TIAM1: variants seen among roughly 807,000 people sequenced by gnomAD.
The protein encoded by TIAM1 is TIAM Rac1 associated GEF 1, also known as rho guanine nucleotide exchange factor TIAM1.
TIAM1 carries 65 observed loss-of-function variants against 163.5 expected under a neutral mutation model. The ratio of observed to expected loss-of-function variants is 0.40; its 90% CI spans 0.33 to 0.49. The LOEUF is 0.49. Ranked by LOEUF, TIAM1 falls within the 20% of genes least tolerant of loss-of-function variation. The pLI, the probability that TIAM1 is intolerant of heterozygous loss-of-function variation, is 0.77. For missense variants in TIAM1, 1,789 were observed against 2,044.7 expected (o/e 0.87, Z 2.41); for synonymous variants, 833 against 810.1 (o/e 1.03, Z -0.48).
rs903704405 is a variant in TIAM1 at position 31,130,850 on chromosome 21, G to T, written c.3942+40C>A. 4 of 1,580,040 alleles carry T rather than the reference G, an allele frequency of 2.5e-6. No individual in the cohort carries two copies. In the East Asian group the frequency reaches 8.9e-5, roughly 35 times the overall value. On this transcript the variant is annotated intron_variant, in intron 24 of 27. Transcript: ENST00000541036. ...CAGGCATAACTGATAAGCAGATAGA[G>T]AAATAGTTTCAAACCATGGGGTAAC...
chr21:31,421,737 C>A (rs889388541), intron 2 of TIAM1, among the ~76,000 whole-genome samples: 1 of 152,130 alleles, frequency 6.6e-6, no homozygotes, highest in African/African-American at 2.4e-5. Context: ...CGCCTATAAT[C>A]CCAACGTTGT....
rs372979018 is a variant in TIAM1 at position 31,464,518 on chromosome 21, G to A, written c.-421-483C>T. ...ACCCCAGGAGTTCAAGACCAGTCTCGGCAACACGGCAAAACGCTGTCTCTA... is the reference window on the plus strand; with the variant it reads ...ACCCCAGGAGTTCAAGACCAGTCTCAGCAACACGGCAAAACGCTGTCTCTA... On this transcript the variant is annotated intron_variant, in intron 1 of 28. Coordinates refer to the TIAM1 transcript ENST00000286827. 6.6e-5 allele frequency among the ~76,000 whole-genome samples: 10 copies of A among 152,128 alleles called. No individual in the cohort carries two copies. The South Asian group carries it at 2.1e-3, about 32-fold the overall frequency.
In TIAM1 at chr21:31,123,079, G is replaced by C. The variant is rs73899651; in HGVS notation, c.4306+1443C>G. ...GGCTATGACATCAAGGCTTTCTCTT[G>C]GTAATCATGACGGACGATGGTGTTA... is the stretch of plus-strand genomic sequence containing the variant. On this transcript the variant is annotated intron_variant, in intron 27 of 27. Coordinates refer to ENST00000541036, the MANE Select transcript of TIAM1 (RefSeq NM_001353694.2). 9.2e-4 allele frequency among the ~76,000 whole-genome samples: 140 copies of C among 152,336 alleles called. No individual in the cohort carries two copies. The Middle Eastern group carries it at 0.014, about 15-fold the overall frequency.
chr21:31,200,224 C>A (rs1406659009), intron 12 of TIAM1, among the ~76,000 whole-genome samples: 1 of 152,056 alleles, frequency 6.6e-6, no homozygotes, highest in African/African-American at 2.4e-5. Context: ...CTATTCCCAG[C>A]TACTTGGGAG....
At chr21:31,532,815 C>T (rs889109221) in intron 1 of TIAM1, among the ~76,000 whole-genome samples, 1 of 152,136 alleles carries the variant, frequency 6.6e-6, no homozygotes, top group African/African-American at 2.4e-5. Flanking sequence ...CGTGTGGTGG[C>T]GCATGCCTGC....
At chr21:31,162,077 C>A (rs1012784348) in intron 16 of TIAM1, among the ~76,000 whole-genome samples, 1 of 152,178 alleles carries the variant, frequency 6.6e-6, no homozygotes, top group African/African-American at 2.4e-5. Flanking sequence ...TGTTAACAAT[C>A]TGGACACAAG....
At chr21:31,270,722 A>T (rs8130528) in intron 3 of TIAM1, among the ~76,000 whole-genome samples, 8,012 of 152,206 alleles carry the variant, frequency 0.053, 493 homozygotes, top group African/African-American at 0.15. Context: ...TTTTTTTGCA[A>T]TTTTGGTTTT....
At position 31,222,707 on chromosome 21, in the gene TIAM1, ATTTTTTTTTTTTTTT is replaced by A. The variant is rs527864043; in HGVS notation, c.1995+684_1995+698del. Among the ~76,000 whole-genome samples the A allele has an allele frequency of 7.7e-3, 254 of 32,856 alleles. 3 individuals carry two copies. Among genetic ancestry groups the A allele is most frequent in the African/African-American group, 0.034 (249 of 7,346 alleles). 21.6% of individuals were successfully genotyped at this position (32,856 alleles called of 152,430 possible). On this transcript the variant is annotated intron_variant, in intron 8 of 27. Coordinates refer to ENST00000541036, the MANE Select transcript of TIAM1 (RefSeq NM_001353694.2). ...TATATATATATATATATATATATAT[ATTTTTTTTTTTTTTT>A]TTTTTTTTTTTTTGAGACAGAGTCT...
intron 2 of TIAM1, among the ~76,000 whole-genome samples, chr21:31,462,684 C>CT (rs1365654347): frequency 6.6e-6 from 1 of 152,048 alleles, no homozygotes; most frequent in Non-Finnish European, 1.5e-5. Flanking sequence ...TGCATATCCA[C>CT]TGGAGATTCT....
At chr21:31,218,803 G>A (rs2087367330) in intron 8 of TIAM1, among the ~76,000 whole-genome samples, 1 of 152,050 alleles carries the variant, frequency 6.6e-6, no homozygotes, top group Admixed American at 6.6e-5. Flanking sequence ...GAAGGTCTGT[G>A]TTGTGGTCTA....
chr21:31,335,688 G>A (rs1268453306), intron 2 of TIAM1, among the ~76,000 whole-genome samples: 3 of 148,056 alleles, frequency 2.0e-5, no homozygotes, highest in African/African-American at 7.8e-5. Context: ...CTGGGTGACA[G>A]AGCGAGACTC....
At chr21:31,196,187 G>C (rs994874960) in intron 12 of TIAM1, among the ~76,000 whole-genome samples, 3 of 151,994 alleles carry the variant, frequency 2.0e-5, no homozygotes, top group East Asian at 3.9e-4. Flanking sequence ...AATTATCAGA[G>C]AAATGTAAAC....
intron 1 of TIAM1, among the ~76,000 whole-genome samples, chr21:31,554,199 C>T (rs1194404503): frequency 6.6e-6 from 1 of 152,098 alleles, no homozygotes; most frequent in Non-Finnish European, 1.5e-5. Flanking sequence ...CAACTGAATC[C>T]TCATAGCCCA....
chr21:31,385,731 AAT>A lies in TIAM1; in HGVS notation c.-368-46311_-368-46310del, dbSNP rs1012583663. On this transcript the variant is annotated intron_variant, in intron 2 of 28. Coordinates refer to the TIAM1 transcript ENST00000286827. Reference sequence around the variant, plus strand: ...ACTGGAAGATTTAAAAAAAAAAAAAAATGTACCCTACACCAGCTGTTTAAAAC... The same window carrying A: ...ACTGGAAGATTTAAAAAAAAAAAAAAGTACCCTACACCAGCTGTTTAAAAC... Among the ~76,000 whole-genome samples the A allele has an allele frequency of 6.0e-5, 9 of 150,330 alleles. No homozygotes were observed. The South Asian group carries it at 6.3e-4, about 10-fold the overall frequency.
chr21:31,149,826 C>A (rs997057346), intron 19 of TIAM1, among the ~76,000 whole-genome samples: 5 of 152,166 alleles, frequency 3.3e-5, no homozygotes, highest in African/African-American at 9.7e-5. Context: ...GGTATCACTA[C>A]AATGAACCTA....
At position 31,120,723 on chromosome 21, in the gene TIAM1, G is replaced by C; in HGVS notation, c.4421C>G (p.Pro1474Arg). 3 of 1,614,032 alleles carry C rather than the reference G, an allele frequency of 1.9e-6. No individual in the cohort carries two copies. Among genetic ancestry groups the C allele is most frequent in the Non-Finnish European group, 2.5e-6 (3 of 1,179,992 alleles). The part of the protein sequence containing the change: ...ASSPEKESQQ[P>R]PGGGDTDRWV... ...TCGGTCAGTGTCCCCACCACCGGGGGGCTGCTGGGACTCTTTCTCCGGGCT... is the reference window on the plus strand; with the variant it reads ...TCGGTCAGTGTCCCCACCACCGGGGCGCTGCTGGGACTCTTTCTCCGGGCT... The change falls in exon 28 of 28, where the codon CCC becomes CGC. Residue 1474 changes from proline (P) to arginine (R), a missense_variant. Pro to Arg is a moderately radical substitution (Grantham distance 103). Transcript: ENST00000541036. The surrounding 1 kb of genome is among the most constrained non-coding windows in gnomAD (Gnocchi z 4.2).
chr21:31,131,277 A>C (rs1300479291), intron 23 of TIAM1, among the ~76,000 whole-genome samples: 1 of 152,248 alleles, frequency 6.6e-6, no homozygotes, highest in African/African-American at 2.4e-5. Flanking sequence ...AAAATGTACT[A>C]ATTCAGTAGA....
intron 1 of TIAM1, among the ~76,000 whole-genome samples, chr21:31,473,665 G>T (rs1057148069): frequency 2.0e-5 from 3 of 152,006 alleles, no homozygotes; most frequent in African/African-American, 7.2e-5. Flanking sequence ...AAAACAACCG[G>T]AAGTGGAGAG....
intron 1 of TIAM1, among the ~76,000 whole-genome samples, chr21:31,537,932 G>A (rs2048192465): frequency 6.6e-6 from 1 of 152,162 alleles, no homozygotes; most frequent in African/African-American, 2.4e-5. Context: ...ACAATGTTTT[G>A]GAAGTGAAAA....
Sources: allele counts gnomAD v4.1 joint callset (sites outside exome capture counted in the v4.1 genomes callset), GRCh38; gene constraint gnomAD v4.1.1; non-coding constraint Gnocchi (gnomAD v3.1); transcripts MANE v1.5; gene names NCBI Gene and HGNC (gene_info 2026-07-23, HGNC 2026-07-21).